Variants in CEACAM6 observed in about 807,000 individuals in gnomAD.
CEACAM6 encodes CEA cell adhesion molecule 6, also known as cell adhesion molecule CEACAM6.
CEACAM6 carries 21 observed loss-of-function variants against 32.4 expected under a neutral mutation model. That is an observed-to-expected ratio of 0.65 (90% confidence interval 0.46 to 0.93). CEACAM6 has a LOEUF of 0.93. Among genes scored for constraint, CEACAM6 ranks in the 40% least tolerant of loss-of-function variants. The pLI is 0.00. For synonymous variants in CEACAM6, 184 were observed against 174.4 expected, an observed-to-expected ratio of 1.06 and a Z score of -0.43; for missense variants, 406 against 432.2, an observed-to-expected ratio of 0.94 and a Z score of 0.54.
chr19:41,766,109 T>C (rs2072953952), intron 4 of CEACAM6, 74 bp from the exon 5 acceptor site: 1 of 1,019,888 alleles, frequency 9.8e-7, no homozygotes, highest in Non-Finnish European at 1.5e-6. Context: ...GCCTACTTCA[T>C]GTTGACAGCT....
chr19:41,757,388 A>G (rs1026502166), intron 2 of CEACAM6, among the ~76,000 whole-genome samples: 3 of 152,142 alleles, frequency 2.0e-5, no homozygotes, highest in Admixed American at 2.0e-4. Flanking sequence ...ATTCCAGGTG[A>G]TCCTGGGGAG....
intron 5 of CEACAM6, among the ~76,000 whole-genome samples, chr19:41,768,755 G>A (rs1321792114): frequency 1.4e-5 from 2 of 144,152 alleles, no homozygotes; most frequent in Admixed American, 1.4e-4. Context: ...CCTCCCGGAC[G>A]GGGCGGCTGG....
At position 41,771,301 on chromosome 19, in the gene CEACAM6, G is replaced by A. The variant is rs2072993112; in HGVS notation, c.*540G>A. On this transcript the variant is annotated 3_prime_UTR_variant, in exon 6 of 6. Coordinates refer to ENST00000199764, the MANE Select transcript of CEACAM6 (RefSeq NM_002483.7). Reference sequence around the variant, plus strand: ...CTTTAACACAGCCGTGTGTTCAAATGTACAGTGGTCCTTTTCAGAGTTGGA... The same window carrying A: ...CTTTAACACAGCCGTGTGTTCAAATATACAGTGGTCCTTTTCAGAGTTGGA... 6.6e-6 allele frequency: 1 copy of A among 152,152 alleles called. No homozygotes were observed. Among genetic ancestry groups the A allele is most frequent in the Non-Finnish European group, 1.5e-5 (1 of 68,016 alleles). 9.4% of individuals were successfully genotyped at this position (152,152 alleles called of 1,614,324 possible). A position where few individuals can be genotyped will look rare whatever the true frequency, so the allele number is the denominator to read the frequency against.
intron 4 of CEACAM6, among the ~76,000 whole-genome samples, chr19:41,763,695 G>T (rs1490843916): frequency 6.6e-6 from 1 of 152,168 alleles, no homozygotes; most frequent in African/African-American, 2.4e-5. Flanking sequence ...GACTTGGGTG[G>T]ACTGAGGGGT....
At chr19:41,767,397 A>T (rs2072962949) in intron 5 of CEACAM6, among the ~76,000 whole-genome samples, 1 of 152,244 alleles carries the variant, frequency 6.6e-6, no homozygotes, top group Non-Finnish European at 1.5e-5. Context: ...TAACAGATAC[A>T]GAAATGAAGA....
intron 2 of CEACAM6, among the ~76,000 whole-genome samples, chr19:41,758,312 C>A (rs2072901670): frequency 6.6e-6 from 1 of 152,030 alleles, no homozygotes; most frequent in South Asian, 2.1e-4. Flanking sequence ...AGCACAGGCC[C>A]AAAGTGAGAC....
At chr19:41,769,315 T>C (rs114919540) in intron 5 of CEACAM6, among the ~76,000 whole-genome samples, 2,757 of 152,286 alleles carry the variant, frequency 0.018, 99 homozygotes, top group African/African-American at 0.062. Context: ...TGCTTCTTCA[T>C]TGAGGATATT....
At chr19:41,761,112 G>A in intron 2 of CEACAM6, 137 bp from the exon 3 acceptor site, 1 of 1,511,404 alleles carries the variant, frequency 6.6e-7, no homozygotes, top group Non-Finnish European at 8.9e-7. Context: ...CATCTGTTGT[G>A]TGACACACAC....
chr19:41,764,582 G>GCCCC (rs2072946048), intron 4 of CEACAM6, among the ~76,000 whole-genome samples: 1 of 152,166 alleles, frequency 6.6e-6, no homozygotes, highest in South Asian at 2.1e-4. Flanking sequence ...GAGCCACCAT[G>GCCCC]CCCCCATTTT....
chr19:41,764,240 C>T (rs782320602), intron 4 of CEACAM6, among the ~76,000 whole-genome samples: 22 of 151,982 alleles, frequency 1.4e-4, no homozygotes, highest in Non-Finnish European at 2.5e-4. Context: ...AATTATTTAC[C>T]GCACTCTTTT....
At chr19:41,767,425 C>G (rs2072963045) in intron 5 of CEACAM6, among the ~76,000 whole-genome samples, 1 of 152,140 alleles carries the variant, frequency 6.6e-6, no homozygotes, top group Non-Finnish European at 1.5e-5. Flanking sequence ...GTCCCTACCC[C>G]CAGGGAACAT....
Position 41,771,376 on chromosome 19 carries a change from G to A in CEACAM6, c.*615G>A, listed in dbSNP as rs1443525989. On this transcript the variant is annotated 3_prime_UTR_variant, in exon 6 of 6. Coordinates refer to ENST00000199764, the MANE Select transcript of CEACAM6 (RefSeq NM_002483.7). ...CCCTGTTTTAATTCAACCCAGCCAT[G>A]CAATGCCAAATAATAGAATTGCTCC... 1 of 152,214 alleles carries A rather than the reference G, an allele frequency of 6.6e-6. No homozygotes were observed. Among genetic ancestry groups the A allele is most frequent in the Non-Finnish European group, 1.5e-5 (1 of 68,042 alleles). The allele number at this position is 152,214 out of a possible 1,614,324, so 9.4% of individuals were successfully genotyped here. A position where few individuals can be genotyped will look rare whatever the true frequency, so the allele number is the denominator to read the frequency against.
At chr19:41,760,255 C>T (rs1212207898) in intron 2 of CEACAM6, among the ~76,000 whole-genome samples, 1 of 152,182 alleles carries the variant, frequency 6.6e-6, no homozygotes, top group African/African-American at 2.4e-5. Flanking sequence ...AAGTGGAACC[C>T]TACAGTATCT....
Position 41,755,592 on chromosome 19 carries a change from G to A in CEACAM6, c.-47G>A. 3.1e-6 allele frequency: 5 copies of A among 1,588,428 alleles called. No homozygotes were observed. The highest frequency in any genetic ancestry group is 4.3e-6 in the Non-Finnish European group (5 of 1,157,336). ...CAGCCCTGACCAGAGCATTCCTGGA[G>A]CTCAAGCTCCTCTACAAAGAGGTGG... On this transcript the variant is annotated 5_prime_UTR_variant, in exon 1 of 6. Coordinates refer to ENST00000199764, the MANE Select transcript of CEACAM6 (RefSeq NM_002483.7).
chr19:41,762,131 T>A lies in CEACAM6; in HGVS notation c.866T>A (p.Ile289Asn), dbSNP rs1555821983. The A allele has an allele frequency of 6.2e-7, 1 of 1,614,016 alleles. No homozygotes were observed. The highest frequency in any genetic ancestry group is 8.5e-7 in the Non-Finnish European group (1 of 1,180,030). The change falls in exon 4 of 6, where the codon ATC (isoleucine) becomes AAC (asparagine). Residue 289 changes from isoleucine to asparagine, a missense_variant. Coordinates refer to ENST00000199764, the MANE Select transcript of CEACAM6 (RefSeq NM_002483.7). ...QSTQELFIPN[I>N]TVNNSGSYMC... ...ACACAAGAGCTCTTTATCCCCAACATCACTGTGAATAATAGCGGATCCTAT... is the reference window on the plus strand; with the variant it reads ...ACACAAGAGCTCTTTATCCCCAACAACACTGTGAATAATAGCGGATCCTAT...
chr19:41,768,736 C>G (rs2072972784), intron 5 of CEACAM6, among the ~76,000 whole-genome samples: 1 of 148,674 alleles, frequency 6.7e-6, no homozygotes, highest in East Asian at 2.0e-4. Context: ...GGGCTGACCC[C>G]CCCACCTCCC....
At chr19:41,769,095 G>A (rs541015649) in intron 5 of CEACAM6, among the ~76,000 whole-genome samples, 79 of 152,042 alleles carry the variant, frequency 5.2e-4, no homozygotes, top group Middle Eastern at 3.4e-3. Flanking sequence ...ACAGGCATGC[G>A]TCACCATGCC....
intron 4 of CEACAM6, 100 bp from the exon 5 acceptor site, chr19:41,766,083 T>C: frequency 1.3e-6 from 1 of 752,220 alleles, no homozygotes. Context: ...GTGTATTCCT[T>C]GAAGGAACAA....
intron 1 of CEACAM6, 66 bp from the exon 2 acceptor site, chr19:41,756,534 G>A (rs2072886520): frequency 8.3e-6 from 13 of 1,561,466 alleles, no homozygotes; most frequent in Non-Finnish European, 1.1e-5. Flanking sequence ...TCAGGACCCA[G>A]GGCCCTGTTT....
Sources: gnomAD v4.1 joint callset for allele counts (sites outside exome capture counted in the v4.1 genomes callset) on GRCh38, gnomAD v4.1.1 for gene constraint, MANE v1.5 for transcripts, NCBI Gene and HGNC (gene_info 2026-07-23, HGNC 2026-07-21) for gene names.